The following PRKG1 variants were observed in gnomAD, a reference collection of about 807,000 sequenced individuals.
PRKG1 encodes cGMP-dependent protein kinase 1.
In PRKG1, 35 loss-of-function variants were observed where a neutral mutation model predicts 88.1. The observed-to-expected ratio is 0.40, with a 90% CI of 0.30 to 0.53. PRKG1 has a LOEUF of 0.53. Among genes scored for constraint, PRKG1 ranks in the 20% least tolerant of loss-of-function variants. The probability of loss-of-function intolerance (pLI) is 0.59; values close to 1 mark genes in which losing one functional copy is unlikely to be tolerated. For missense variants in PRKG1, 540 were observed against 839.8 expected, an observed-to-expected ratio of 0.64 and a Z score of 4.41; for synonymous variants, 303 against 292.5, an observed-to-expected ratio of 1.04 and a Z score of -0.37.
At chr10:51,304,099 C>G (rs1030652959) in intron 2 of PRKG1, among the ~76,000 whole-genome samples, 6 of 152,242 alleles carry the variant, frequency 3.9e-5, no homozygotes, top group African/African-American at 1.4e-4. Context: ...GGATTACAGA[C>G]ATGAGCCACC....
chr10:51,448,824 C>A (rs1839350170), intron 2 of PRKG1, among the ~76,000 whole-genome samples: 1 of 151,952 alleles, frequency 6.6e-6, no homozygotes, highest in African/African-American at 2.4e-5. Flanking sequence ...CAGTGTTGCA[C>A]TGGTTCGTAT....
chr10:51,374,292 G>A (rs1842773717), intron 2 of PRKG1, among the ~76,000 whole-genome samples: 1 of 137,962 alleles, frequency 7.2e-6, no homozygotes, highest in Non-Finnish European at 1.5e-5. Context: ...CCCTCCCTGT[G>A]CCCATGTGTT....
chr10:51,329,017 G>A (rs891167662), intron 2 of PRKG1, among the ~76,000 whole-genome samples: 1 of 152,062 alleles, frequency 6.6e-6, no homozygotes, highest in East Asian at 1.9e-4. Flanking sequence ...CCATTCTGTA[G>A]ATTGCCTCTT....
chr10:51,698,260 T>A (rs1841358459), intron 3 of PRKG1: 1 of 1,613,986 alleles, frequency 6.2e-7, no homozygotes, highest in Admixed American at 1.7e-5. Context: ...CCATTACACG[T>A]GTCTCTAAGA....
At position 52,193,571 on chromosome 10, in the gene PRKG1, AAAAAC is replaced by A. The variant is rs1839427927; in HGVS notation, c.1076+31613_1076+31617del. On this transcript the variant is annotated intron_variant, in intron 9 of 17. Coordinates refer to ENST00000373980, the MANE Select transcript of PRKG1 (RefSeq NM_006258.4). Reference sequence around the variant, plus strand: ...CTCAAAAAAAAAAAAAACAAAAAAAAAAAACAAAAAAAAAACTATTCCAAATGTCA... The same window carrying A: ...CTCAAAAAAAAAAAAAACAAAAAAAAAAAAAAAAAACTATTCCAAATGTCA... Among the ~76,000 whole-genome samples, 2 of 141,448 alleles carry A rather than the reference AAAAAC, an allele frequency of 1.4e-5. 1 individual carries two copies. The highest frequency in any genetic ancestry group is 5.2e-5 in the African/African-American group (2 of 38,442). 92.8% of individuals were successfully genotyped at this position (141,448 alleles called of 152,430 possible). A position where few individuals can be genotyped will look rare whatever the true frequency, so the allele number is the denominator to read the frequency against.
intron 4 of PRKG1, among the ~76,000 whole-genome samples, chr10:51,872,204 G>T (rs1841175477): frequency 6.6e-6 from 1 of 152,158 alleles, no homozygotes; most frequent in Non-Finnish European, 1.5e-5. Context: ...AGGACTATCA[G>T]ATTCACATCC....
chr10:51,742,397 G>A (rs1482630665), intron 3 of PRKG1, among the ~76,000 whole-genome samples: 1 of 152,104 alleles, frequency 6.6e-6, no homozygotes, highest in African/African-American at 2.4e-5. Context: ...CAACTATTTG[G>A]TTTGCCGCTT....
chr10:52,069,096 T>C (rs1947758), intron 7 of PRKG1, among the ~76,000 whole-genome samples: 27,800 of 152,160 alleles, frequency 0.18, 2,731 homozygotes, highest in Admixed American at 0.28. Flanking sequence ...CCAAAGTCAG[T>C]TGAATAGACA....
At chr10:51,728,702 C>T (rs940354018) in intron 3 of PRKG1, among the ~76,000 whole-genome samples, 1 of 151,836 alleles carries the variant, frequency 6.6e-6, no homozygotes, top group Non-Finnish European at 1.5e-5. Flanking sequence ...AATAAAAGGT[C>T]GGAGTGCTAT....
chr10:51,164,050 T>C (rs1261761078), intron 2 of PRKG1, among the ~76,000 whole-genome samples: 1 of 152,190 alleles, frequency 6.6e-6, no homozygotes, highest in Non-Finnish European at 1.5e-5. Context: ...GCAGTGGTTC[T>C]CCCAGCATGC....
At chr10:52,004,699 G>A (rs76911943) in intron 5 of PRKG1, among the ~76,000 whole-genome samples, 2,931 of 152,218 alleles carry the variant, frequency 0.019, 75 homozygotes, top group African/African-American at 0.061. Context: ...GGGGGGAAAC[G>A]TTCATAATTT....
At chr10:51,670,666 G>C (rs1403797714) in intron 3 of PRKG1, among the ~76,000 whole-genome samples, 1 of 148,170 alleles carries the variant, frequency 6.7e-6, no homozygotes, top group African/African-American at 2.5e-5. Context: ...AACCCGGGAG[G>C]CAGAGCTTGC....
At chr10:51,283,189 G>C (rs557011167) in intron 2 of PRKG1, among the ~76,000 whole-genome samples, 35 of 151,252 alleles carry the variant, frequency 2.3e-4, no homozygotes, top group Non-Finnish European at 4.6e-4. Flanking sequence ...AAGAAACAAG[G>C]AAAATCGTGG....
rs577922864 is a variant in PRKG1 at position 51,454,232 on chromosome 10, T to C, written c.479-13491T>C. Among the ~76,000 whole-genome samples the C allele has an allele frequency of 4.5e-3, 683 of 151,966 alleles. 10 individuals carry two copies. The highest frequency in any genetic ancestry group is 0.016 in the African/African-American group (652 of 41,492). On this transcript the variant is annotated intron_variant, in intron 2 of 17. Transcript: ENST00000373980. ...ATACCATCAGTGTTCTTCATAAAGC[T>C]AGAAAAAAACAACCCTAAAATTTAT... is the stretch of plus-strand genomic sequence containing the variant.
At chr10:52,081,571 C>T in intron 7 of PRKG1, 1 of 456,534 alleles carries the variant, frequency 2.2e-6, no homozygotes, top group Non-Finnish European at 4.4e-6. Context: ...TCATTCAATA[C>T]TTACCATATG....
At chr10:52,293,093 C>T (rs1273574086) in intron 17 of PRKG1, among the ~76,000 whole-genome samples, 2 of 149,726 alleles carry the variant, frequency 1.3e-5, no homozygotes, top group Non-Finnish European at 3.0e-5. Flanking sequence ...GTACAAAAAT[C>T]ACAAGCATTC....
intron 6 of PRKG1, among the ~76,000 whole-genome samples, chr10:52,060,968 G>A (rs560399784): frequency 1.3e-5 from 2 of 152,096 alleles, no homozygotes; most frequent in Admixed American, 1.3e-4. Context: ...ATGGAATGCT[G>A]TTTAAACAAA....
intron 7 of PRKG1, among the ~76,000 whole-genome samples, chr10:52,104,350 T>C (rs1208963351): frequency 2.0e-5 from 3 of 152,030 alleles, no homozygotes; most frequent in Non-Finnish European, 4.4e-5. Context: ...TTTAGGGCCT[T>C]TAAAAACTGA....
intron 1 of PRKG1, among the ~76,000 whole-genome samples, chr10:51,129,879 A>G (rs1467884514): frequency 6.6e-6 from 1 of 152,168 alleles, no homozygotes; most frequent in Non-Finnish European, 1.5e-5. Context: ...TTATGTGAAT[A>G]GGGCTTCCAG....
Sources: gnomAD v4.1 joint callset for allele counts (sites outside exome capture counted in the v4.1 genomes callset) on GRCh38, gnomAD v4.1.1 for gene constraint, MANE v1.5 for transcripts, NCBI Gene and HGNC (gene_info 2026-07-23, HGNC 2026-07-21) for gene names.